Variants in PIP4K2A observed in about 807,000 individuals in gnomAD.
PIP4K2A encodes phosphatidylinositol 5-phosphate 4-kinase type-2 alpha.
In PIP4K2A, 14 loss-of-function variants were observed where a neutral mutation model predicts 42.9. The ratio of observed to expected loss-of-function variants is 0.33; its 90% CI spans 0.22 to 0.51. PIP4K2A has a LOEUF of 0.51. Among genes scored for constraint, PIP4K2A ranks in the 20% least tolerant of loss-of-function variants. PIP4K2A has a pLI of 0.97. For synonymous variants in PIP4K2A, 192 were observed against 192.2 expected, an observed-to-expected ratio of 1.00 and a Z score of 0.01; for missense variants, 434 against 519.8, an observed-to-expected ratio of 0.83 and a Z score of 1.61.
intron 4 of PIP4K2A, among the ~76,000 whole-genome samples, chr10:22,573,760 T>C (rs1588635144): frequency 6.6e-6 from 1 of 152,364 alleles, no homozygotes; most frequent in South Asian, 2.1e-4. Context: ...ACTATCTTTC[T>C]CAAATTCCTT....
At chr10:22,677,696 C>A (rs555075789) in intron 1 of PIP4K2A, among the ~76,000 whole-genome samples, 1 of 152,246 alleles carries the variant, frequency 6.6e-6, no homozygotes, top group Non-Finnish European at 1.5e-5. Context: ...ACCACTTCCA[C>A]TTGTCAGTTT....
intron 3 of PIP4K2A, among the ~76,000 whole-genome samples, chr10:22,595,787 T>A (rs1837620220): frequency 6.6e-6 from 1 of 152,166 alleles, no homozygotes; most frequent in South Asian, 2.1e-4. Context: ...CATTCATCAG[T>A]TCTTGTAGAT....
At chr10:22,552,406 G>A (rs1366801854) in intron 6 of PIP4K2A, among the ~76,000 whole-genome samples, 1 of 152,080 alleles carries the variant, frequency 6.6e-6, no homozygotes, top group Admixed American at 6.6e-5. Flanking sequence ...AAAATGTCAG[G>A]ATGCGCCTGC....
chr10:22,634,060 A>G (rs990212119), intron 1 of PIP4K2A, among the ~76,000 whole-genome samples: 10 of 152,212 alleles, frequency 6.6e-5, no homozygotes, highest in African/African-American at 2.4e-4. Flanking sequence ...TTAAATCAAA[A>G]TATGATTATG....
chr10:22,564,702 G>A (rs150550332), intron 6 of PIP4K2A, among the ~76,000 whole-genome samples: 1 of 152,320 alleles, frequency 6.6e-6, no homozygotes, highest in Non-Finnish European at 1.5e-5. Context: ...GGGTTTAGGC[G>A]AAGGTTGAAT....
In PIP4K2A at chr10:22,545,304, C is replaced by T. The variant is rs182227285; in HGVS notation, c.793-3257G>A. Among the ~76,000 whole-genome samples, 28 of 152,348 alleles carry T rather than the reference C, an allele frequency of 1.8e-4. No homozygotes were observed. In the South Asian group the frequency reaches 4.6e-3, roughly 25 times the overall value. On this transcript the variant is annotated intron_variant, in intron 7 of 9. Transcript: ENST00000376573. The stretch of plus-strand genomic sequence containing the variant: ...GGAAGCGCAAGGTGACCATTTAAGA[C>T]GATTACCTTAACAGGAAGGTCTACT...
intron 1 of PIP4K2A, among the ~76,000 whole-genome samples, chr10:22,658,674 G>A (rs1056594362): frequency 9.2e-5 from 14 of 152,070 alleles, no homozygotes; most frequent in Non-Finnish European, 1.9e-4. Context: ...TGGTTGCTGC[G>A]CAGCAAAAGA....
chr10:22,611,801 T>C (rs1838047658), intron 1 of PIP4K2A, among the ~76,000 whole-genome samples: 1 of 152,238 alleles, frequency 6.6e-6, no homozygotes, highest in African/African-American at 2.4e-5. Context: ...AGTCTTGTGA[T>C]AATAAACACA....
chr10:22,540,403 G>T (rs1248139033), intron 8 of PIP4K2A, among the ~76,000 whole-genome samples: 1 of 150,850 alleles, frequency 6.6e-6, no homozygotes, highest in Admixed American at 6.6e-5. Context: ...TAATAATTGT[G>T]TATTGCTTTG....
intron 1 of PIP4K2A, among the ~76,000 whole-genome samples, chr10:22,663,493 T>C (rs756922830): frequency 6.6e-6 from 1 of 152,222 alleles, no homozygotes; most frequent in African/African-American, 2.4e-5. Flanking sequence ...CACATGTTCA[T>C]TGCAGAAAGA....
At chr10:22,647,014 G>C (rs954763363) in intron 1 of PIP4K2A, among the ~76,000 whole-genome samples, 1 of 151,806 alleles carries the variant, frequency 6.6e-6, no homozygotes, top group South Asian at 2.1e-4. Flanking sequence ...GCTGATCCAT[G>C]GGTGTTTTCT....
chr10:22,603,027 GC>G (rs1288720041), intron 3 of PIP4K2A, among the ~76,000 whole-genome samples: 2 of 152,140 alleles, frequency 1.3e-5, no homozygotes, highest in African/African-American at 4.8e-5. Context: ...AATTCCTGCT[GC>G]CCCACTTCAA....
At chr10:22,698,948 C>T (rs1305962574) in intron 1 of PIP4K2A, among the ~76,000 whole-genome samples, 2 of 152,182 alleles carry the variant, frequency 1.3e-5, no homozygotes, top group Non-Finnish European at 2.9e-5. Flanking sequence ...GAAGCTTTAT[C>T]TAACACATAA....
At chr10:22,563,059 A>T (rs1256648869) in intron 6 of PIP4K2A, among the ~76,000 whole-genome samples, 1 of 152,014 alleles carries the variant, frequency 6.6e-6, no homozygotes, top group Non-Finnish European at 1.5e-5. Context: ...ATGAAGGTAC[A>T]TTTTGATCTC....
intron 1 of PIP4K2A, among the ~76,000 whole-genome samples, chr10:22,686,638 A>G (rs1369066286): frequency 6.6e-6 from 1 of 152,082 alleles, no homozygotes; most frequent in Non-Finnish European, 1.5e-5. Flanking sequence ...TTAGTTAAAA[A>G]AATTTTTTTT....
chr10:22,704,651 GAAAAAAA>G (rs113174364), intron 1 of PIP4K2A, among the ~76,000 whole-genome samples: 8 of 64,198 alleles, frequency 1.2e-4, no homozygotes, highest in Admixed American at 1.9e-4. Flanking sequence ...GACCTCATCT[GAAAAAAA>G]AAAAAAAAAA....
At chr10:22,664,204 C>CATAT (rs142690116) in intron 1 of PIP4K2A, among the ~76,000 whole-genome samples, 1 of 47,734 alleles carries the variant, frequency 2.1e-5, no homozygotes, top group Admixed American at 2.9e-4. Flanking sequence ...TATATATATA[C>CATAT]ATATATATAT....
At chr10:22,584,581 T>C (rs1362840635) in intron 4 of PIP4K2A, among the ~76,000 whole-genome samples, 1 of 151,670 alleles carries the variant, frequency 6.6e-6, no homozygotes, top group Non-Finnish European at 1.5e-5. Context: ...TGCTGGGGAG[T>C]GTGCCGGGCA....
intron 1 of PIP4K2A, among the ~76,000 whole-genome samples, chr10:22,664,104 C>CATATATATACGT (rs1839276649): frequency 6.0e-5 from 3 of 50,374 alleles, no homozygotes; most frequent in African/African-American, 4.8e-4. Flanking sequence ...TATATATATA[C>CATATATATACGT]ATATATATAT....
Sources: gnomAD v4.1 joint callset for allele counts (sites outside exome capture counted in the v4.1 genomes callset) on GRCh38, gnomAD v4.1.1 for gene constraint, MANE v1.5 for transcripts, NCBI Gene and HGNC (gene_info 2026-07-23, HGNC 2026-07-21) for gene names.